LGI3: variants seen among roughly 807,000 people sequenced by gnomAD.
The protein encoded by LGI3 is leucine rich repeat LGI family member 3, also known as leucine-rich repeat LGI family member 3.
Under a neutral mutation model 55.4 loss-of-function variants are expected in LGI3, and 47 were observed. The ratio of observed to expected loss-of-function variants is 0.85; its 90% CI spans 0.67 to 1.08. LGI3 has a LOEUF of 1.08. Among genes scored for constraint, LGI3 ranks in the 50% least tolerant of loss-of-function variants. The pLI is 0.00. For synonymous variants in LGI3, 326 were observed against 315.0 expected (o/e 1.04, Z -0.37); for missense variants, 664 against 726.3 (o/e 0.91, Z 0.99).
At chr8:22,155,354 A>G (rs745609953) in intron 2 of LGI3, 38 bp downstream of exon 2, 1 of 1,598,346 alleles carries the variant, frequency 6.3e-7, no homozygotes, top group African/African-American at 1.3e-5. Context: ...CTACCACCCC[A>G]TAGTTCCCCC....
chr8:22,154,137 C>T lies in LGI3; in HGVS notation c.422+5G>A. Reference sequence around the variant, plus strand: ...GTGCAGTGTGTGTATGTGTGACGTACTCACAGGTGAGTCAAGGACTTGAGT... The same window carrying T: ...GTGCAGTGTGTGTATGTGTGACGTATTCACAGGTGAGTCAAGGACTTGAGT... On this transcript the variant is annotated splice_donor_5th_base_variant and intron_variant, in intron 4 of 7. Transcript: ENST00000306317. 1 of 1,613,726 alleles carries T rather than the reference C, an allele frequency of 6.2e-7. No individual in the cohort carries two copies. Among genetic ancestry groups the T allele is most frequent in the Non-Finnish European group, 8.5e-7 (1 of 1,179,616 alleles).
chr8:22,147,840 C>T lies in LGI3; in HGVS notation c.*320G>A. 1 of 304,242 alleles carries T rather than the reference C, an allele frequency of 3.3e-6. No homozygotes were observed. The allele number at this position is 304,242 out of a possible 1,614,324, so 18.8% of individuals were successfully genotyped here. A position where few individuals can be genotyped will look rare whatever the true frequency, so the allele number is the denominator to read the frequency against. ...AGGAGGATGCGGCCCCCCTCGCTCC[C>T]AGCACCCCGCACCACTCGTGCATGA... On this transcript the variant is annotated 3_prime_UTR_variant, in exon 8 of 8. Coordinates refer to ENST00000306317, the MANE Select transcript of LGI3 (RefSeq NM_139278.4).
At chr8:22,153,140 A>G (rs995356513) in intron 5 of LGI3, among the ~76,000 whole-genome samples, 1 of 149,194 alleles carries the variant, frequency 6.7e-6, no homozygotes, top group Non-Finnish European at 1.5e-5. Context: ...GCTGGAGTGC[A>G]ATGGCATGAT....
intron 5 of LGI3, among the ~76,000 whole-genome samples, chr8:22,153,518 T>A (rs1827407429): frequency 6.6e-6 from 1 of 151,540 alleles, no homozygotes; most frequent in Non-Finnish European, 1.5e-5. Context: ...CTGGCCAACA[T>A]GGTGAAACCC....
chr8:22,148,574 A>C lies in LGI3; in HGVS notation c.1233T>G (p.Phe411Leu). ...IYQWSRTQKQ[F>L]VAQGEVTQVP... ...CCTGGGTCACCTCACCCTGGGCCAC[A>C]AACTGCTTCTGGGTGCGACTCCACT... Residue 411 changes from phenylalanine to leucine, a missense_variant, in exon 8 of 8, where the codon TTT (phenylalanine) becomes TTG (leucine). Transcript: ENST00000306317. This position sits in a 1 kb window ranked among gnomAD's most constrained non-coding sequence, Gnocchi z 7.0. The C allele has an allele frequency of 6.2e-7, 1 of 1,613,902 alleles. No individual in the cohort carries two copies. The highest frequency in any genetic ancestry group is 8.5e-7 in the Non-Finnish European group (1 of 1,180,018).
At chr8:22,155,748 C>T (rs1827483948) in intron 1 of LGI3, among the ~76,000 whole-genome samples, 1 of 152,256 alleles carries the variant, frequency 6.6e-6, no homozygotes, top group African/African-American at 2.4e-5. Flanking sequence ...CATCATCATC[C>T]AAACACCCAC....
At chr8:22,153,492 G>A (rs1827407081) in intron 5 of LGI3, among the ~76,000 whole-genome samples, 2 of 151,740 alleles carry the variant, frequency 1.3e-5, no homozygotes, top group Admixed American at 6.5e-5. Context: ...CACAAGGTTA[G>A]GAGCTCGAGA....
chr8:22,148,204 G>A lies in LGI3; in HGVS notation c.1603C>T (p.Gln535Ter). Residue 535 changes from glutamine to a stop codon, truncating the protein, a stop_gained, in exon 8 of 8, where the codon CAG becomes TAG. Transcript: ENST00000306317. LOFTEE classifies it high-confidence loss of function. This position sits in a 1 kb window ranked among gnomAD's most constrained non-coding sequence, Gnocchi z 7.0. ...QLLLAPSFKGQTLVYRHIVVD... is the reference protein window; with the variant it reads ...QLLLAPSFKG ...ACAATGTGTCTATACACCAGCGTCTGTCCCTTGAAGCTGGGGGCCAGGAGT... is the reference window on the plus strand; with the variant it reads ...ACAATGTGTCTATACACCAGCGTCTATCCCTTGAAGCTGGGGGCCAGGAGT... 6.2e-7 allele frequency: 1 copy of A among 1,613,492 alleles called. No homozygotes were observed. Among genetic ancestry groups the A allele is most frequent in the Non-Finnish European group, 8.5e-7 (1 of 1,179,772 alleles).
In LGI3 at chr8:22,156,695, G is replaced by A; in HGVS notation, c.-153C>T. 4.1e-6 allele frequency: 1 copy of A among 241,782 alleles called. No individual in the cohort carries two copies. Among genetic ancestry groups the A allele is most frequent in the Non-Finnish European group, 7.8e-6 (1 of 128,344 alleles). The allele number at this position is 241,782 out of a possible 1,614,324, so 15.0% of individuals were successfully genotyped here. On this transcript the variant is annotated 5_prime_UTR_variant, in exon 1 of 8. Transcript: ENST00000306317. ...CTGCGGACTCCTCCTGCCCTCGGGC[G>A]CCGGCTGCGGTCCCCTCCCCTGCTC...
At chr8:22,149,222 A>T (rs1340300918) in intron 7 of LGI3, among the ~76,000 whole-genome samples, 1 of 152,226 alleles carries the variant, frequency 6.6e-6, no homozygotes, top group Non-Finnish European at 1.5e-5. Context: ...ATAAGCTGAC[A>T]TAGCACAAAA....
At position 22,154,678 on chromosome 8, in the gene LGI3, G is replaced by A. The variant is rs369322191; in HGVS notation, c.279-47C>T. 292 of 1,419,564 alleles carry A rather than the reference G, an allele frequency of 2.1e-4. 1 individual carries two copies. Among genetic ancestry groups the A allele is most frequent in the South Asian group, 2.0e-3 (176 of 87,298 alleles). 87.9% of individuals were successfully genotyped at this position (1,419,564 alleles called of 1,614,324 possible). ...TAGAGCTTCCAAGGGTGTGCCTGCT[G>A]CCCCAGCCCCCAGCCCGCTGCCTCA... On this transcript the variant is annotated intron_variant, in intron 2 of 7. Coordinates refer to ENST00000306317, the MANE Select transcript of LGI3 (RefSeq NM_139278.4).
In LGI3 at chr8:22,156,497, C is replaced by A; in HGVS notation, c.46G>T (p.Ala16Ser). 7.1e-7 allele frequency: 1 copy of A among 1,412,494 alleles called. No individual in the cohort carries two copies. Among genetic ancestry groups the A allele is most frequent in the Non-Finnish European group, 9.2e-7 (1 of 1,083,758 alleles). The allele number at this position is 1,412,494 out of a possible 1,614,324, so 87.5% of individuals were successfully genotyped here. ...ARGGPGPGLL[A>S]LSALGFCLML... is the part of the protein sequence containing the mutation. ...AGGCAGAAGCCGAGCGCGGAGAGCG[C>A]CAGCAGCCCCGGCCCCGGGCCCCCC... The change falls in exon 1 of 8, where the codon GCG (alanine) becomes TCG (serine). Residue 16 changes from alanine (A) to serine (S), a missense_variant. Coordinates refer to ENST00000306317, the MANE Select transcript of LGI3 (RefSeq NM_139278.4).
chr8:22,156,270 C>A, intron 1 of LGI3, 67 bp downstream of exon 1: 1 of 1,547,878 alleles, frequency 6.5e-7, no homozygotes, highest in African/African-American at 1.4e-5. Context: ...GTTCTCCTGT[C>A]CTCTCCCAGA....
rs746121003 is a variant in LGI3, at chr8:22,148,676, G to A, written c.1131C>T (p.Thr377=). ...CCTCGCCGTCCACAAACTCCAGGTCGGTGTCACGGTGCCAGGGGTGCAGTG... is the reference window on the plus strand; with the variant it reads ...CCTCGCCGTCCACAAACTCCAGGTCAGTGTCACGGTGCCAGGGGTGCAGTG... ...HQALHPWHRD[T]DLEFVDGEGK... is the part of the protein sequence containing the mutation. The change falls in exon 8 of 8, where the codon ACC becomes ACT. Residue 377 remains threonine, a synonymous_variant. Transcript: ENST00000306317. This position sits in a 1 kb window ranked among gnomAD's most constrained non-coding sequence, Gnocchi z 7.0. The A allele has an allele frequency of 1.8e-5, 29 of 1,613,974 alleles. No homozygotes were observed. The highest frequency in any genetic ancestry group is 8.9e-5 in the East Asian group (4 of 44,890).
In LGI3 at chr8:22,148,110, C is replaced by T. The variant is rs1203775462; in HGVS notation, c.*50G>A. On this transcript the variant is annotated 3_prime_UTR_variant, in exon 8 of 8. Transcript: ENST00000306317. The surrounding 1 kb of genome is among the most constrained non-coding windows in gnomAD (Gnocchi z 7.0). Reference sequence around the variant, plus strand: ...CATACGTGGTGCTCACAGAGGCCCCCACCCATCCTCCAGTGGCCACCCTGA... The same window carrying T: ...CATACGTGGTGCTCACAGAGGCCCCTACCCATCCTCCAGTGGCCACCCTGA... 6.8e-7 allele frequency: 1 copy of T among 1,461,686 alleles called. No individual in the cohort carries two copies. Among genetic ancestry groups the T allele is most frequent in the Non-Finnish European group, 9.2e-7 (1 of 1,084,854 alleles). The allele number at this position is 1,461,686 out of a possible 1,614,324, so 90.5% of individuals were successfully genotyped here.
chr8:22,153,352 T>C (rs372255323), intron 5 of LGI3, among the ~76,000 whole-genome samples: 1 of 150,060 alleles, frequency 6.7e-6, no homozygotes, highest in East Asian at 2.1e-4. Flanking sequence ...CCCAAAGTGC[T>C]GGGATTACAG....
chr8:22,151,607 C>T lies in LGI3; in HGVS notation c.711G>A (p.Glu237=), dbSNP rs138635915. Residue 237 remains glutamate (E), a synonymous_variant, in exon 7 of 8, where the codon GAG becomes GAA. Coordinates refer to ENST00000306317, the MANE Select transcript of LGI3 (RefSeq NM_139278.4). ...AGAGGTCACTGGAGTAGAGGAAGGG[C>T]TCAGCCGACACTGCTGGGAAGGCCA... The part of the protein sequence containing the change: ...QTLAFPAVSA[E]PFLYSSDLYL... 27 of 1,614,132 alleles carry T rather than the reference C, an allele frequency of 1.7e-5. No homozygotes were observed. The African/African-American group carries it at 2.8e-4, about 17-fold the overall frequency.
At chr8:22,156,150 C>G (rs1332479812) in intron 1 of LGI3, among the ~76,000 whole-genome samples, 187 bp downstream of exon 1, 2 of 152,200 alleles carry the variant, frequency 1.3e-5, no homozygotes, top group Non-Finnish European at 2.9e-5. Flanking sequence ...CCCATGGCCG[C>G]TGAGCCTGCA....
Position 22,156,734 on chromosome 8 carries a change from G to C in LGI3, c.-192C>G, listed in dbSNP as rs941909039. ...CCTCCCCTGCTCGCTCCCGCGATCC[G>C]GCTCGGGAGAGAAGAGCGGAGCGCG... On this transcript the variant is annotated 5_prime_UTR_variant, in exon 1 of 8. Transcript: ENST00000306317. 7 of 208,102 alleles carry C rather than the reference G, an allele frequency of 3.4e-5. No homozygotes were observed. Among genetic ancestry groups the C allele is most frequent in the African/African-American group, 7.0e-5 (3 of 42,720 alleles). 12.9% of individuals were successfully genotyped at this position (208,102 alleles called of 1,614,324 possible). A position where few individuals can be genotyped will look rare whatever the true frequency, so the allele number is the denominator to read the frequency against.
Sources: allele counts gnomAD v4.1 joint callset (sites outside exome capture counted in the v4.1 genomes callset), GRCh38; gene constraint gnomAD v4.1.1; non-coding constraint Gnocchi (gnomAD v3.1); transcripts MANE v1.5; gene names NCBI Gene and HGNC (gene_info 2026-07-23, HGNC 2026-07-21).